PXDN: variants seen among roughly 807,000 people sequenced by gnomAD.
The protein encoded by PXDN is peroxidasin homolog.
In PXDN, 77 loss-of-function variants were observed where a neutral mutation model predicts 140.3. The observed-to-expected ratio is 0.55, with a 90% CI of 0.46 to 0.66. PXDN has a LOEUF of 0.66. Among genes scored for constraint, PXDN ranks in the 30% least tolerant of loss-of-function variants. The probability of loss-of-function intolerance (pLI) is 0.00; values close to 1 mark genes in which losing one functional copy is unlikely to be tolerated. For missense variants in PXDN, 1,838 were observed against 2,039.5 expected, an observed-to-expected ratio of 0.90 and a Z score of 1.90; for synonymous variants, 911 against 857.4, an observed-to-expected ratio of 1.06 and a Z score of -1.09.
In PXDN at chr2:1,725,514, T is replaced by C. The variant is rs998139504; in HGVS notation, c.200+18742A>G. Among the ~76,000 whole-genome samples the C allele has an allele frequency of 1.7e-4, 26 of 151,958 alleles. 1 individual carries two copies. Among genetic ancestry groups the C allele is most frequent in the Non-Finnish European group, 1.9e-4 (13 of 67,992 alleles). On this transcript the variant is annotated intron_variant, in intron 1 of 22. Transcript: ENST00000252804. The stretch of plus-strand genomic sequence containing the variant: ...GGCATTACCATTCAGGACATAGGCA[T>C]GGGCAAGGACTTCATGTCTAAAACA...
At chr2:1,732,355 T>A (rs1263397836) in intron 1 of PXDN, among the ~76,000 whole-genome samples, 1 of 152,104 alleles carries the variant, frequency 6.6e-6, no homozygotes, top group Non-Finnish European at 1.5e-5. Flanking sequence ...AGCCCTGAGC[T>A]GCACAAACTG....
chr2:1,710,761 A>ACT (rs1355354847), intron 1 of PXDN, among the ~76,000 whole-genome samples: 10 of 32,140 alleles, frequency 3.1e-4, no homozygotes, highest in Admixed American at 3.5e-4. Context: ...ACCAGCACCC[A>ACT]CTCCACCAGC....
chr2:1,664,688 T>G (rs1174914598), intron 11 of PXDN: 1 of 427,266 alleles, frequency 2.3e-6, no homozygotes, highest in Non-Finnish European at 4.2e-6. Flanking sequence ...TGTGAGGGAG[T>G]CAAAGGCAGG....
chr2:1,694,487 TGGA>T (rs55994047), intron 1 of PXDN, among the ~76,000 whole-genome samples: 2,467 of 152,248 alleles, frequency 0.016, 40 homozygotes, highest in Admixed American at 0.042. Context: ...CAAGTTCTCC[TGGA>T]GGAGAAGGGG....
At chr2:1,701,602 A>G (rs1357738280) in intron 1 of PXDN, among the ~76,000 whole-genome samples, 1 of 148,072 alleles carries the variant, frequency 6.8e-6, no homozygotes, top group Non-Finnish European at 1.5e-5. Flanking sequence ...TCAAGGTGGG[A>G]GGTGCGGAAT....
chr2:1,707,585 C>G (rs993231640), intron 1 of PXDN, among the ~76,000 whole-genome samples: 1 of 152,176 alleles, frequency 6.6e-6, no homozygotes, highest in African/African-American at 2.4e-5. Context: ...TTTGGAAGCA[C>G]GAGGTTGCCA....
At chr2:1,716,463 A>AC (rs1684898191) in intron 1 of PXDN, among the ~76,000 whole-genome samples, 1 of 141,830 alleles carries the variant, frequency 7.1e-6, no homozygotes, top group Non-Finnish European at 1.5e-5. Context: ...AAAAAAAAAA[A>AC]AAAAAAACCA....
At position 1,653,656 on chromosome 2, in the gene PXDN, A is replaced by G; in HGVS notation, c.2076T>C (p.His692=). The G allele has an allele frequency of 6.2e-7, 1 of 1,612,768 alleles. No homozygotes were observed. Among genetic ancestry groups the G allele is most frequent in the Non-Finnish European group, 8.5e-7 (1 of 1,179,532 alleles). Residue 692 remains histidine, a synonymous_variant, in exon 16 of 23, where the codon CAT becomes CAC. Transcript: ENST00000252804. ...TLQLIQEHVQ[H]GLMVDLNGTS... ...TTCCGTTGAGGTCGACCATCAAGCC[A>G]TGCTGTACATGCTCCTGAATGAGCT...
chr2:1,689,025 T>C (rs1684127190), intron 3 of PXDN, among the ~76,000 whole-genome samples: 1 of 152,040 alleles, frequency 6.6e-6, no homozygotes, highest in Non-Finnish European at 1.5e-5. Flanking sequence ...GTTACAAGCC[T>C]TAACACGAAC....
At chr2:1,708,035 G>C (rs527797773) in intron 1 of PXDN, among the ~76,000 whole-genome samples, 5 of 152,314 alleles carry the variant, frequency 3.3e-5, no homozygotes, top group African/African-American at 9.6e-5. Context: ...GAGAACAAGG[G>C]GGGCACGCCC....
chr2:1,679,882 GTGTC>G (rs1683840924), intron 7 of PXDN, among the ~76,000 whole-genome samples: 2 of 149,350 alleles, frequency 1.3e-5, no homozygotes, highest in African/African-American at 5.0e-5. Flanking sequence ...CTGCATGTGT[GTGTC>G]TATAAATGGT....
chr2:1,672,929 C>T (rs1213523141), intron 9 of PXDN, among the ~76,000 whole-genome samples: 1 of 152,152 alleles, frequency 6.6e-6, no homozygotes, highest in Non-Finnish European at 1.5e-5. Flanking sequence ...CCGACTCTAC[C>T]GGCTTCTGCA....
intron 2 of PXDN, among the ~76,000 whole-genome samples, 181 bp downstream of exon 2, chr2:1,692,882 A>G (rs1306477231): frequency 6.6e-6 from 1 of 152,180 alleles, no homozygotes; most frequent in Non-Finnish European, 1.5e-5. Flanking sequence ...GACGAGAAAC[A>G]CAGTGGCCAC....
In PXDN at chr2:1,744,334, A is replaced by G; in HGVS notation, c.122T>C (p.Leu41Pro). ...GCAGCGCACGGTGGTGCGGAAGCAC[A>G]GGCAGCGGCTCGGACACCCTGCGCC... The part of the protein sequence containing the change: ...KPGAGCPSRC[L>P]CFRTTVRCMH... Residue 41 changes from leucine (L) to proline (P), a missense_variant, in exon 1 of 23, where the codon CTG becomes CCG. Transcript: ENST00000252804. The G allele has an allele frequency of 6.5e-7, 1 of 1,527,934 alleles. No individual in the cohort carries two copies. Among genetic ancestry groups the G allele is most frequent in the Non-Finnish European group, 8.7e-7 (1 of 1,143,758 alleles). The allele number at this position is 1,527,934 out of a possible 1,614,324, so 94.6% of individuals were successfully genotyped here.
At chr2:1,656,323 G>A (rs995169070) in intron 14 of PXDN, among the ~76,000 whole-genome samples, 1 of 152,194 alleles carries the variant, frequency 6.6e-6, no homozygotes, top group African/African-American at 2.4e-5. Context: ...TTTTAGTGAT[G>A]AAAACAGCTC....
At chr2:1,683,458 A>T (rs958564792) in intron 6 of PXDN, among the ~76,000 whole-genome samples, 198 bp downstream of exon 6, 1 of 65,014 alleles carries the variant, frequency 1.5e-5, no homozygotes, top group Non-Finnish European at 3.9e-5. Flanking sequence ...CAAAGGATTA[A>T]CTACTTGCCA....
At chr2:1,683,933 C>A in intron 5 of PXDN, 147 bp downstream of exon 5, 2 of 929,542 alleles carry the variant, frequency 2.2e-6, no homozygotes, top group South Asian at 1.6e-5. Flanking sequence ...ATTATAAGTC[C>A]TATTTCCAAA....
intron 1 of PXDN, among the ~76,000 whole-genome samples, chr2:1,704,284 G>A (rs1410679529): frequency 5.7e-5 from 5 of 88,078 alleles, no homozygotes; most frequent in African/African-American, 2.9e-4. Context: ...CAGGTGAAGC[G>A]GGGGACAGCT....
At chr2:1,707,236 G>T (rs1219255234) in intron 1 of PXDN, among the ~76,000 whole-genome samples, 54 of 133,450 alleles carry the variant, frequency 4.0e-4, no homozygotes, top group African/African-American at 1.3e-3. Flanking sequence ...AGAGCACGCT[G>T]CAGTGCTCAC....
Sources: gnomAD v4.1 joint callset for allele counts (sites outside exome capture counted in the v4.1 genomes callset) on GRCh38, gnomAD v4.1.1 for gene constraint, MANE v1.5 for transcripts, NCBI Gene and HGNC (gene_info 2026-07-23, HGNC 2026-07-21) for gene names.